SLC5A11: variants seen among roughly 807,000 people sequenced by gnomAD.
SLC5A11 encodes sodium/myo-inositol cotransporter 2.
A neutral mutation model predicts 69.8 loss-of-function variants in SLC5A11; 48 were observed. That is an observed-to-expected ratio of 0.69 (90% CI 0.55 to 0.87). SLC5A11 has a LOEUF of 0.87. Among genes scored for constraint, SLC5A11 ranks in the 40% least tolerant of loss-of-function variants. The pLI, the probability that SLC5A11 is intolerant of heterozygous loss-of-function variation, is 0.00. For missense variants in SLC5A11, 784 were observed against 866.1 expected (o/e 0.91, Z 1.19); for synonymous variants, 319 against 342.4 (o/e 0.93, Z 0.75).
intron 1 of SLC5A11, among the ~76,000 whole-genome samples, chr16:24,849,589 A>ATACATAT (rs60706405): frequency 1.3e-4 from 8 of 63,774 alleles, no homozygotes; most frequent in Admixed American, 1.7e-4. Context: ...AAAAAAAAAA[A>ATACATAT]AAAAATATAT....
At chr16:24,911,452 C>A (rs748083828) in exon 16 of SLC5A11, 2 of 1,614,112 alleles carry the variant, frequency 1.2e-6, no homozygotes, top group South Asian at 2.2e-5. Flanking sequence ...TGGAAGAAAA[C>A]CCCTTGGTGA....
At chr16:24,847,625 G>A (rs1003064126) in intron 1 of SLC5A11, among the ~76,000 whole-genome samples, 4 of 152,100 alleles carry the variant, frequency 2.6e-5, no homozygotes, top group African/African-American at 7.2e-5. Flanking sequence ...CAAAGTGCTG[G>A]GATTACAGGC....
chr16:24,910,438 T>C, exon 15 of SLC5A11: 2 of 1,614,082 alleles, frequency 1.2e-6, no homozygotes, highest in Non-Finnish European at 1.7e-6. Flanking sequence ...CAGCGTCCAG[T>C]TCGAGATGGT....
intron 5 of SLC5A11, among the ~76,000 whole-genome samples, chr16:24,873,104 C>T (rs946489291): frequency 1.5e-5 from 2 of 137,058 alleles, no homozygotes; most frequent in African/African-American, 5.6e-5. Context: ...CACTACTTAA[C>T]TCCTGCCTGG....
intron 2 of SLC5A11, among the ~76,000 whole-genome samples, chr16:24,859,448 A>G (rs2059670843): frequency 6.6e-6 from 1 of 152,128 alleles, no homozygotes; most frequent in Non-Finnish European, 1.5e-5. Context: ...TTTACTTTAA[A>G]GAAAACTTTA....
intron 2 of SLC5A11, among the ~76,000 whole-genome samples, chr16:24,860,996 C>T (rs185040478): frequency 8.4e-4 from 127 of 152,044 alleles, no homozygotes; most frequent in African/African-American, 2.7e-3. Flanking sequence ...TGTGAGCCAC[C>T]GCACCCAGCC....
chr16:24,876,575 G>C (rs554695086), intron 6 of SLC5A11, among the ~76,000 whole-genome samples: 242 of 152,302 alleles, frequency 1.6e-3, no homozygotes, highest in Admixed American at 2.4e-3. Context: ...GAAGGGGTGA[G>C]GGGGAGCAGA....
At chr16:24,883,755 G>T (rs1307287216) in intron 7 of SLC5A11, among the ~76,000 whole-genome samples, 1 of 152,204 alleles carries the variant, frequency 6.6e-6, no homozygotes, top group Admixed American at 6.5e-5. Context: ...TGCAGAAGCT[G>T]CAGGGCTCCT....
chr16:24,875,658 G>A lies in SLC5A11; in HGVS notation c.404G>A (p.Arg135His), dbSNP rs768485681. The A allele has an allele frequency of 2.3e-5, 37 of 1,613,800 alleles. No homozygotes were observed. The highest frequency in any genetic ancestry group is 1.3e-4 in the Admixed American group (8 of 59,960). The stretch of plus-strand genomic sequence containing the variant: ...ACGATGCCAGAATACCTACGGAAGC[G>A]CTTCGGTGGCATCAGAATCCCCATC... The change falls in exon 6 of 16, where the codon CGC (arginine) becomes CAC (histidine). Residue 135 changes from arginine to histidine, a missense_variant. Around this residue, in one of 3 missense-constraint regions of SLC5A11, gnomAD observed 101 missense variants for 152.4 expected, o/e 0.66. Transcript: ENST00000347898.
intron 10 of SLC5A11, among the ~76,000 whole-genome samples, chr16:24,899,391 C>A (rs2049417193): frequency 1.3e-5 from 2 of 152,020 alleles, no homozygotes; most frequent in Admixed American, 1.3e-4. Flanking sequence ...GTAACTTTGG[C>A]CCAGTGAAAT....
At chr16:24,905,637 C>CGT (rs1325097026) in intron 10 of SLC5A11, among the ~76,000 whole-genome samples, 2,737 of 80,522 alleles carry the variant, frequency 0.034, 16 homozygotes, top group South Asian at 0.064. Flanking sequence ...CACGCGCGCG[C>CGT]GCGCACACAC....
intron 1 of SLC5A11, among the ~76,000 whole-genome samples, chr16:24,851,166 C>CT (rs1436554491): frequency 6.6e-6 from 1 of 151,800 alleles, no homozygotes; most frequent in Non-Finnish European, 1.5e-5. Context: ...GGGTCTCACT[C>CT]TGTCACCAGG....
At chr16:24,891,116 T>A (rs1225091951) in intron 9 of SLC5A11, 42 bp downstream of exon 10, 1 of 1,592,068 alleles carries the variant, frequency 6.3e-7, no homozygotes, top group Non-Finnish European at 8.6e-7. Flanking sequence ...TTCTCTTTGC[T>A]TCTTTCCTTA....
intron 5 of SLC5A11, among the ~76,000 whole-genome samples, chr16:24,873,753 A>C (rs1170115329): frequency 6.6e-6 from 1 of 151,856 alleles, no homozygotes; most frequent in East Asian, 1.9e-4. Flanking sequence ...TTAATTCTGC[A>C]TACCTGAACA....
intron 8 of SLC5A11, among the ~76,000 whole-genome samples, chr16:24,886,094 G>T (rs1160380198): frequency 6.6e-6 from 1 of 151,374 alleles, no homozygotes; most frequent in Non-Finnish European, 1.5e-5. Context: ...GAGTGCAGTG[G>T]CATGATCTTG....
chr16:24,860,775 A>G (rs879556971), intron 2 of SLC5A11, among the ~76,000 whole-genome samples: 3 of 151,834 alleles, frequency 2.0e-5, no homozygotes, highest in Non-Finnish European at 4.4e-5. Context: ...GTGCAATCTC[A>G]GCTCACTGCA....
chr16:24,873,024 C>A, intron 5 of SLC5A11, among the ~76,000 whole-genome samples: 1 of 130,116 alleles, frequency 7.7e-6, no homozygotes, highest in Non-Finnish European at 1.6e-5. Context: ...CCTGTAGTCC[C>A]AGCTACTCGG....
At chr16:24,907,890 A>G (rs1258206841) in intron 12 of SLC5A11, 73 bp from the exon 14 acceptor site, 8 of 1,585,100 alleles carry the variant, frequency 5.0e-6, no homozygotes, top group Non-Finnish European at 6.9e-6. Flanking sequence ...TGTCTATTAA[A>G]AGAGACAGAG....
intron 1 of SLC5A11, among the ~76,000 whole-genome samples, chr16:24,857,529 T>C (rs868827599): frequency 1.3e-5 from 2 of 152,240 alleles, no homozygotes; most frequent in African/African-American, 4.8e-5. Flanking sequence ...CTGGATGTGC[T>C]AAGGAAGAAT....
Sources: allele counts gnomAD v4.1 joint callset (sites outside exome capture counted in the v4.1 genomes callset), GRCh38; gene constraint gnomAD v4.1.1; regional missense constraint gnomAD v4.1.1; transcripts MANE v1.5; gene names NCBI Gene and HGNC (gene_info 2026-07-23, HGNC 2026-07-21).